VLDLR: variants seen among roughly 807,000 people sequenced by gnomAD.
The protein encoded by VLDLR is very low density lipoprotein receptor.
VLDLR carries 81 observed loss-of-function variants against 112.7 expected under a neutral mutation model. The ratio of observed to expected loss-of-function variants is 0.72; its 90% CI spans 0.60 to 0.86. VLDLR has a LOEUF of 0.86. Ranked by LOEUF, VLDLR falls within the 40% of genes least tolerant of loss-of-function variation. The pLI, the probability that VLDLR is intolerant of heterozygous loss-of-function variation, is 0.00. For missense variants in VLDLR, 1,237 were observed against 1,099.4 expected (o/e 1.13, Z -1.77); for synonymous variants, 436 against 384.8 (o/e 1.13, Z -1.56).
At chr9:2,636,108 A>G (rs1360360908) in intron 2 of VLDLR, among the ~76,000 whole-genome samples, 1 of 152,168 alleles carries the variant, frequency 6.6e-6, no homozygotes, top group Admixed American at 6.5e-5. Flanking sequence ...TCTCTCCCCA[A>G]GAGAATGGGG....
chr9:2,644,085 T>C, intron 7 of VLDLR, 126 bp downstream of exon 7: 1 of 1,414,226 alleles, frequency 7.1e-7, no homozygotes, highest in Non-Finnish European at 9.8e-7. Flanking sequence ...AATTGTAGAC[T>C]TCAGAGTGAA....
At chr9:2,646,185 G>A (rs143015647) in intron 10 of VLDLR, 149 bp from the exon 11 acceptor site, 2 of 750,352 alleles carry the variant, frequency 2.7e-6, no homozygotes, top group African/African-American at 1.7e-5. Flanking sequence ...TCAGTAAGCA[G>A]CATGGTTAAA....
chr9:2,633,402 A>G (rs1817456675), intron 1 of VLDLR, among the ~76,000 whole-genome samples: 1 of 152,070 alleles, frequency 6.6e-6, no homozygotes, highest in South Asian at 2.1e-4. Flanking sequence ...ATCCCAGGCC[A>G]CTCTGAGTGC....
chr9:2,651,788 C>T, intron 16 of VLDLR, 86 bp from the exon 17 acceptor site: 1 of 1,447,792 alleles, frequency 6.9e-7, no homozygotes. Context: ...ATATTGGATG[C>T]AAAGGTTTTG....
chr9:2,641,132 G>A (rs186255738), intron 3 of VLDLR, among the ~76,000 whole-genome samples: 48 of 152,318 alleles, frequency 3.2e-4, no homozygotes, highest in South Asian at 1.5e-3. Context: ...AACTGAGCAC[G>A]CCATGGGACC....
intron 1 of VLDLR, among the ~76,000 whole-genome samples, chr9:2,624,263 ATT>A (rs1370699680): frequency 1.3e-5 from 2 of 152,230 alleles, no homozygotes; most frequent in African/African-American, 4.8e-5. Context: ...ACTGGAGGAA[ATT>A]TGGGCTGAGG....
intron 1 of VLDLR, among the ~76,000 whole-genome samples, chr9:2,623,937 T>C (rs1816960044): frequency 6.6e-6 from 1 of 152,204 alleles, no homozygotes; most frequent in Admixed American, 6.5e-5. Flanking sequence ...GATTTCTCAG[T>C]ATAGTGCCAT....
chr9:2,645,396 C>G (rs1187222853), intron 9 of VLDLR, among the ~76,000 whole-genome samples, 178 bp from the exon 10 acceptor site: 1 of 152,162 alleles, frequency 6.6e-6, no homozygotes. Context: ...CCCACGACTG[C>G]CTTCCTAAAC....
Position 2,622,584 on chromosome 9 carries a change from C to G in VLDLR, c.82+313C>G, listed in dbSNP as rs780246013. ...CGCCCTCTTGACGGGCGCCGAGGTG[C>G]GTGGGCTTCTGAGCATTGAACAATG... On this transcript the variant is annotated intron_variant, in intron 1 of 18. Transcript: ENST00000382100. Among the ~76,000 whole-genome samples, 48 of 152,230 alleles carry G rather than the reference C, an allele frequency of 3.2e-4. 1 individual carries two copies. Among genetic ancestry groups the G allele is most frequent in the Non-Finnish European group, 6.5e-4 (44 of 68,040 alleles).
At position 2,642,484 on chromosome 9, in the gene VLDLR, C is replaced by T. The variant is rs549649397; in HGVS notation, c.449-676C>T. 3.9e-5 allele frequency among the ~76,000 whole-genome samples: 6 copies of T among 152,286 alleles called. No homozygotes were observed. In the South Asian group the frequency reaches 6.2e-4, roughly 16 times the overall value. On this transcript the variant is annotated intron_variant, in intron 4 of 18. Coordinates refer to ENST00000382100, the MANE Select transcript of VLDLR (RefSeq NM_003383.5). ...TCTAGACTTTGCTTCCCAAGAGAGTCGTGGTCTCTATTCTAATTGCCACCA... is the reference window on the plus strand; with the variant it reads ...TCTAGACTTTGCTTCCCAAGAGAGTTGTGGTCTCTATTCTAATTGCCACCA...
Position 2,646,318 on chromosome 9 carries a change from A to T in VLDLR, c.1485-16A>T, listed in dbSNP as rs1292933165. ...GTGTCAAACTCTTAAATTTCTTGTG[A>T]CCTATTCTGTTTCAGTGCCTCAATT... On this transcript the variant is annotated splice_polypyrimidine_tract_variant and intron_variant, in intron 10 of 18. Coordinates refer to ENST00000382100, the MANE Select transcript of VLDLR (RefSeq NM_003383.5). 6.2e-7 allele frequency: 1 copy of T among 1,613,198 alleles called. No individual in the cohort carries two copies. The highest frequency in any genetic ancestry group is 2.2e-5 in the East Asian group (1 of 44,874).
chr9:2,652,865 T>C lies in VLDLR; in HGVS notation c.2502T>C (p.Asn834=), dbSNP rs1470205356. 1 of 1,614,094 alleles carries C rather than the reference T, an allele frequency of 6.2e-7. No individual in the cohort carries two copies. Among genetic ancestry groups the C allele is most frequent in the African/African-American group, 1.3e-5 (1 of 75,038 alleles). ...HKNMKSMNFD[N]PVYLKTTEED... ...ACATGAAAAGCATGAACTTTGACAA[T>C]CCTGTGTACTTGAAAACCACTGAAG... Residue 834 remains asparagine (N), a synonymous_variant, in exon 18 of 19, where the codon AAT becomes AAC. Coordinates refer to ENST00000382100, the MANE Select transcript of VLDLR (RefSeq NM_003383.5).
chr9:2,635,879 G>T (rs1817582725), intron 2 of VLDLR, among the ~76,000 whole-genome samples: 1 of 152,144 alleles, frequency 6.6e-6, no homozygotes, highest in South Asian at 2.1e-4. Flanking sequence ...AGATTGCTTA[G>T]AAGGGGCTTT....
intron 2 of VLDLR, among the ~76,000 whole-genome samples, chr9:2,636,077 C>CATTAGA (rs1162595857): frequency 6.6e-6 from 1 of 152,142 alleles, no homozygotes; most frequent in Non-Finnish European, 1.5e-5. Flanking sequence ...AATTCTAAAG[C>CATTAGA]ATTAGCAGGG....
chr9:2,624,944 G>C (rs1817025508), intron 1 of VLDLR, among the ~76,000 whole-genome samples: 1 of 152,202 alleles, frequency 6.6e-6, no homozygotes, highest in African/African-American at 2.4e-5. Flanking sequence ...TGCCTGTCCT[G>C]TGTCATTTTG....
rs528792271 is a variant in VLDLR at position 2,659,850 on chromosome 9, T to G, written c.*5982T>G. ...ATGACTGGCTTTGACAAAACTATCT[T>G]GCTCTTTTTAAATGTCACTTGATAC... On this transcript the variant is annotated 3_prime_UTR_variant, in exon 19 of 19. Coordinates refer to ENST00000382100, the MANE Select transcript of VLDLR (RefSeq NM_003383.5). 4.3e-4 allele frequency: 66 copies of G among 152,328 alleles called. No homozygotes were observed. The highest frequency in any genetic ancestry group is 1.6e-3 in the African/African-American group (65 of 41,578). 9.4% of individuals were successfully genotyped at this position (152,328 alleles called of 1,614,324 possible). A position where few individuals can be genotyped will look rare whatever the true frequency, so the allele number is the denominator to read the frequency against.
At position 2,644,386 on chromosome 9, in the gene VLDLR, G is replaced by A. The variant is rs557530180; in HGVS notation, c.1067-348G>A. ...GGGTTTCACCATGTTGGCCAGGCTG[G>A]TCTCGAACTCCTGACCTCGTGATCC... On this transcript the variant is annotated intron_variant, in intron 7 of 18. Coordinates refer to ENST00000382100, the MANE Select transcript of VLDLR (RefSeq NM_003383.5). Among the ~76,000 whole-genome samples, 1,470 of 147,934 alleles carry A rather than the reference G, an allele frequency of 9.9e-3. 8 individuals carry two copies. Among genetic ancestry groups the A allele is most frequent in the Non-Finnish European group, 0.016 (1,068 of 67,298 alleles).
In VLDLR at chr9:2,656,077, CAAAT is replaced by C. The variant is rs1329256432; in HGVS notation, c.*2213_*2216del. On this transcript the variant is annotated 3_prime_UTR_variant, in exon 19 of 19. Transcript: ENST00000382100. ...TTATAAGGCCCAAAGTTTGTTTTGG[CAAAT>C]AAAGTATTATTCTCTATCATCATCT... 3 of 147,968 alleles carry C rather than the reference CAAAT, an allele frequency of 2.0e-5. No individual in the cohort carries two copies. The highest frequency in any genetic ancestry group is 1.9e-4 in the East Asian group (1 of 5,168). 9.2% of individuals were successfully genotyped at this position (147,968 alleles called of 1,614,324 possible).
At chr9:2,647,685 C>G in intron 12 of VLDLR, 93 bp downstream of exon 12, 4 of 1,122,786 alleles carry the variant, frequency 3.6e-6, no homozygotes, top group Non-Finnish European at 5.5e-6. Flanking sequence ...GCAGATGACT[C>G]TACTGCTTCC....
Sources: allele counts gnomAD v4.1 joint callset (sites outside exome capture counted in the v4.1 genomes callset), GRCh38; gene constraint gnomAD v4.1.1; transcripts MANE v1.5; gene names NCBI Gene and HGNC (gene_info 2026-07-23, HGNC 2026-07-21).